Variants in CAMK1D observed in about 807,000 individuals in gnomAD.
The protein encoded by CAMK1D is calcium/calmodulin dependent protein kinase ID, also known as calcium/calmodulin-dependent protein kinase type 1D.
CAMK1D carries 9 observed loss-of-function variants against 47.7 expected under a neutral mutation model. The observed-to-expected ratio is 0.19, with a 90% CI of 0.11 to 0.33. The LOEUF is 0.33. Ranked by LOEUF, CAMK1D falls within the 10% of genes least tolerant of loss-of-function variation. The pLI is 1.00. For synonymous variants in CAMK1D, 184 were observed against 184.9 expected (o/e 0.99, Z 0.04); for missense variants, 291 against 488.7 (o/e 0.60, Z 3.81).
In CAMK1D at chr10:12,444,581, C is replaced by T. The variant is rs1202021452; in HGVS notation, c.92+94671C>T. ...GTTAGAGGCAGACATCAGTCAATAT[C>T]GTATTTAAGGTGTACATTGGTTTGG... is the stretch of plus-strand genomic sequence containing the variant. On this transcript the variant is annotated intron_variant, in intron 1 of 10. Coordinates refer to ENST00000619168, the MANE Select transcript of CAMK1D (RefSeq NM_153498.4). Among the ~76,000 whole-genome samples, 6 of 152,188 alleles carry T rather than the reference C, an allele frequency of 3.9e-5. No individual in the cohort carries two copies. In the East Asian group the frequency reaches 7.7e-4, roughly 20 times the overall value.
intron 3 of CAMK1D, among the ~76,000 whole-genome samples, chr10:12,697,110 A>G (rs1456821707): frequency 6.6e-6 from 1 of 152,214 alleles, no homozygotes; most frequent in Admixed American, 6.5e-5. Flanking sequence ...AAAGTAGGGT[A>G]TATTTATAAT....
chr10:12,753,886 T>C (rs1836109425), intron 3 of CAMK1D, among the ~76,000 whole-genome samples: 1 of 152,130 alleles, frequency 6.6e-6, no homozygotes, highest in Admixed American at 6.5e-5. Flanking sequence ...TCCTCCTTTT[T>C]AGTTTTATTT....
chr10:12,693,977 TATATTA>T (rs1833051105), intron 3 of CAMK1D, among the ~76,000 whole-genome samples: 1 of 15,440 alleles, frequency 6.5e-5, no homozygotes, highest in Non-Finnish European at 1.6e-4. Flanking sequence ...ATATATAATA[TATATTA>T]TATATACATA....
chr10:12,664,965 G>A (rs1207619953), intron 2 of CAMK1D, among the ~76,000 whole-genome samples: 5 of 152,278 alleles, frequency 3.3e-5, no homozygotes, highest in East Asian at 1.9e-4. Context: ...GAAAATCTAC[G>A]TGATGCCTAC....
At chr10:12,655,978 C>T (rs1428270780) in intron 2 of CAMK1D, among the ~76,000 whole-genome samples, 2 of 152,216 alleles carry the variant, frequency 1.3e-5, no homozygotes, top group African/African-American at 2.4e-5. Flanking sequence ...TGATGGTTCT[C>T]ATAGATACCT....
chr10:12,828,667 CG>C, intron 10 of CAMK1D, 101 bp from the exon 11 acceptor site: 8 of 839,336 alleles, frequency 9.5e-6, no homozygotes, highest in South Asian at 1.5e-5. Context: ...TGGGCCCCCC[CG>C]CCCCCCACCA....
At chr10:12,785,081 G>A (rs1837666069) in intron 5 of CAMK1D, among the ~76,000 whole-genome samples, 1 of 152,100 alleles carries the variant, frequency 6.6e-6, no homozygotes, top group African/African-American at 2.4e-5. Flanking sequence ...CCGCCCCCAC[G>A]CTAACCCCAC....
chr10:12,693,906 T>G (rs547431325), intron 3 of CAMK1D, among the ~76,000 whole-genome samples: 1 of 112,136 alleles, frequency 8.9e-6, no homozygotes, highest in African/African-American at 3.4e-5. Flanking sequence ...AAAATATATA[T>G]ATAATATATA....
chr10:12,521,305 G>A (rs1488332075), intron 1 of CAMK1D, among the ~76,000 whole-genome samples: 1 of 152,000 alleles, frequency 6.6e-6, no homozygotes, highest in Non-Finnish European at 1.5e-5. Context: ...TTGGTACTTT[G>A]TATTTTTATT....
chr10:12,449,732 T>C (rs1833027624), intron 1 of CAMK1D, among the ~76,000 whole-genome samples: 1 of 152,160 alleles, frequency 6.6e-6, no homozygotes, highest in South Asian at 2.1e-4. Context: ...TGGCCGGGCG[T>C]GGTGGCCCAC....
At chr10:12,779,592 G>A (rs1452708623) in intron 5 of CAMK1D, among the ~76,000 whole-genome samples, 1 of 152,042 alleles carries the variant, frequency 6.6e-6, no homozygotes, top group Non-Finnish European at 1.5e-5. Context: ...ACCACACCTG[G>A]CTAATTTTTG....
chr10:12,449,581 ACAT>A (rs1346993848), intron 1 of CAMK1D, among the ~76,000 whole-genome samples: 2 of 150,018 alleles, frequency 1.3e-5, no homozygotes, highest in Non-Finnish European at 1.5e-5. Flanking sequence ...ATATATCAAA[ACAT>A]CATGTTACGA....
chr10:12,593,723 TCCC>T (rs1202334326), intron 2 of CAMK1D, among the ~76,000 whole-genome samples: 1 of 152,096 alleles, frequency 6.6e-6, no homozygotes, highest in Non-Finnish European at 1.5e-5. Context: ...CAAAATACCA[TCCC>T]CCGTGGCCTG....
intron 4 of CAMK1D, among the ~76,000 whole-genome samples, chr10:12,763,535 C>T (rs922330923): frequency 6.6e-6 from 1 of 152,174 alleles, no homozygotes; most frequent in Non-Finnish European, 1.5e-5. Context: ...AGCCCCTGCA[C>T]CATTGGCATT....
intron 1 of CAMK1D, among the ~76,000 whole-genome samples, chr10:12,493,135 G>T (rs186539972): frequency 6.6e-6 from 1 of 152,208 alleles, no homozygotes; most frequent in African/African-American, 2.4e-5. Context: ...ACGGTTTCTA[G>T]AAACAACCCT....
At chr10:12,660,204 A>T (rs766063012) in intron 2 of CAMK1D, among the ~76,000 whole-genome samples, 4 of 152,234 alleles carry the variant, frequency 2.6e-5, no homozygotes, top group Non-Finnish European at 4.4e-5. Context: ...AAATGATCGA[A>T]TGGAAAAAGT....
At chr10:12,659,070 G>T (rs1174254764) in intron 2 of CAMK1D, among the ~76,000 whole-genome samples, 1 of 152,178 alleles carries the variant, frequency 6.6e-6, no homozygotes, top group East Asian at 1.9e-4. Context: ...TGCTGCTGTG[G>T]GGTCGGAGGC....
intron 3 of CAMK1D, among the ~76,000 whole-genome samples, chr10:12,712,331 G>A (rs77256711): frequency 1.3e-3 from 198 of 152,268 alleles, no homozygotes; most frequent in East Asian, 0.01. Flanking sequence ...TAGGACAGGC[G>A]CACACATAAC....
At chr10:12,546,382 A>G (rs2132256947) in intron 1 of CAMK1D, among the ~76,000 whole-genome samples, 1 of 152,326 alleles carries the variant, frequency 6.6e-6, no homozygotes, top group African/African-American at 2.4e-5. Flanking sequence ...AGAGAGCAGT[A>G]AAGTAGACAG....
Sources: gnomAD v4.1 joint callset for allele counts (sites outside exome capture counted in the v4.1 genomes callset) on GRCh38, gnomAD v4.1.1 for gene constraint, MANE v1.5 for transcripts, NCBI Gene and HGNC (gene_info 2026-07-23, HGNC 2026-07-21) for gene names.